PDE4B: variants seen among roughly 807,000 people sequenced by gnomAD.
The protein encoded by PDE4B is 3',5'-cyclic-AMP phosphodiesterase 4B.
In PDE4B, 20 loss-of-function variants were observed where a neutral mutation model predicts 82.2. The ratio of observed to expected loss-of-function variants is 0.24; its 90% CI spans 0.17 to 0.35. PDE4B has a LOEUF of 0.35. Ranked by LOEUF, PDE4B falls within the 10% of genes least tolerant of loss-of-function variation. PDE4B has a pLI of 1.00. For synonymous variants in PDE4B, 320 were observed against 318.9 expected (o/e 1.00, Z -0.04); for missense variants, 655 against 907.2 (o/e 0.72, Z 3.57).
chr1:65,961,539 ATATT>A (rs1557461023), intron 3 of PDE4B, among the ~76,000 whole-genome samples: 1 of 152,156 alleles, frequency 6.6e-6, no homozygotes, highest in Non-Finnish European at 1.5e-5. Flanking sequence ...GCCATGTGCT[ATATT>A]TGTCCTTACA....
chr1:66,153,483 G>GT (rs750004997), intron 3 of PDE4B, among the ~76,000 whole-genome samples: 12 of 152,204 alleles, frequency 7.9e-5, no homozygotes, highest in South Asian at 6.2e-4. Context: ...AACCTCATGG[G>GT]TTTTTTTGTT....
intron 1 of PDE4B, among the ~76,000 whole-genome samples, chr1:65,905,917 G>A (rs538889899): frequency 1.3e-5 from 2 of 152,176 alleles, no homozygotes; most frequent in African/African-American, 2.4e-5. Context: ...ATGTATATTC[G>A]TCTTTGTATT....
intron 1 of PDE4B, among the ~76,000 whole-genome samples, chr1:65,794,953 A>G (rs1400078387): frequency 6.6e-6 from 1 of 152,216 alleles, no homozygotes; most frequent in Admixed American, 6.5e-5. Context: ...GCAAAAATGA[A>G]TTGTCTTAAA....
chr1:66,317,126 C>A (rs761833553), intron 7 of PDE4B, among the ~76,000 whole-genome samples: 1 of 152,192 alleles, frequency 6.6e-6, no homozygotes, highest in Non-Finnish European at 1.5e-5. Context: ...AACTGTTTGT[C>A]TACCCACAGA....
chr1:66,211,684 C>T (rs1173829879), intron 3 of PDE4B, among the ~76,000 whole-genome samples: 4 of 152,168 alleles, frequency 2.6e-5, no homozygotes, highest in Non-Finnish European at 4.4e-5. Flanking sequence ...CTTAGGGGAG[C>T]GAAGTAACTT....
chr1:66,044,278 A>G (rs1275227910), intron 3 of PDE4B, among the ~76,000 whole-genome samples: 1 of 151,718 alleles, frequency 6.6e-6, no homozygotes, highest in Non-Finnish European at 1.5e-5. Context: ...GAATTTACAA[A>G]TGCCAAGAGT....
intron 7 of PDE4B, among the ~76,000 whole-genome samples, chr1:66,282,158 T>G (rs549149026): frequency 2.0e-5 from 3 of 152,214 alleles, no homozygotes; most frequent in Middle Eastern, 3.2e-3. Context: ...TCAGCAACAT[T>G]TAATCTGTTT....
chr1:66,303,353 GTA>G (rs55857576), intron 7 of PDE4B, among the ~76,000 whole-genome samples: 76,516 of 148,068 alleles, frequency 0.52, 19,945 homozygotes, highest in African/African-American at 0.61. Context: ...GTGTGTGTGT[GTA>G]TATATATATA....
At chr1:65,843,700 T>C (rs1386653864) in intron 1 of PDE4B, among the ~76,000 whole-genome samples, 1 of 152,186 alleles carries the variant, frequency 6.6e-6, no homozygotes, top group African/African-American at 2.4e-5. Flanking sequence ...AAGTCTGCTT[T>C]TATCTTACAT....
chr1:66,176,614 G>C (rs1405575939), intron 3 of PDE4B, among the ~76,000 whole-genome samples: 1 of 152,130 alleles, frequency 6.6e-6, no homozygotes, highest in Non-Finnish European at 1.5e-5. Context: ...TTTCTATCAA[G>C]GCTATTTGTA....
chr1:66,305,622 G>C (rs1658218389), intron 7 of PDE4B, among the ~76,000 whole-genome samples: 1 of 152,090 alleles, frequency 6.6e-6, no homozygotes, highest in Non-Finnish European at 1.5e-5. Context: ...CTCCTTTAAA[G>C]CTGTACTGAG....
chr1:66,257,506 T>A (rs1450306791), intron 4 of PDE4B, 141 bp from the exon 5 acceptor site: 6 of 894,880 alleles, frequency 6.7e-6, no homozygotes, highest in African/African-American at 1.6e-5. Flanking sequence ...TGCCAAATTG[T>A]GAGTCCTGTC....
intron 3 of PDE4B, among the ~76,000 whole-genome samples, chr1:66,023,028 A>G (rs1175855872): frequency 6.6e-6 from 1 of 152,096 alleles, no homozygotes; most frequent in Non-Finnish European, 1.5e-5. Flanking sequence ...TTCCTGGTTT[A>G]GTCTTGGACT....
At chr1:65,871,922 G>T (rs1376779145) in intron 1 of PDE4B, among the ~76,000 whole-genome samples, 1 of 152,140 alleles carries the variant, frequency 6.6e-6, no homozygotes, top group East Asian at 1.9e-4. Flanking sequence ...ATAATATGGA[G>T]TGCTTTTTTT....
At chr1:66,061,857 G>A (rs994006765) in intron 3 of PDE4B, among the ~76,000 whole-genome samples, 2 of 151,992 alleles carry the variant, frequency 1.3e-5, no homozygotes, top group Non-Finnish European at 2.9e-5. Context: ...AAACCATCAT[G>A]GCACATGTAT....
At chr1:66,246,483 G>A (rs929994956) in intron 3 of PDE4B, among the ~76,000 whole-genome samples, 2 of 152,170 alleles carry the variant, frequency 1.3e-5, no homozygotes, top group African/African-American at 4.8e-5. Context: ...GCTTTAGCTG[G>A]GGAGCAGTGA....
rs144447173 is a variant in PDE4B at position 65,901,829 on chromosome 1, G to A, written c.-70-11416G>A. ...TGATTTGAGTTATGTTTTTTCTTCT[G>A]ATGGCTTTGGGATTAGTATGTTCTT... On this transcript the variant is annotated intron_variant, in intron 1 of 16. Coordinates refer to ENST00000341517, the MANE Select transcript of PDE4B (RefSeq NM_002600.4). Among the ~76,000 whole-genome samples, 714 of 151,958 alleles carry A rather than the reference G, an allele frequency of 4.7e-3. 24 individuals carry two copies. Among genetic ancestry groups the A allele is most frequent in the Admixed American group, 0.043 (651 of 15,234 alleles).
chr1:66,335,046 G>C (rs905263788), intron 8 of PDE4B, among the ~76,000 whole-genome samples: 19 of 152,208 alleles, frequency 1.2e-4, no homozygotes, highest in Non-Finnish European at 2.6e-4. Flanking sequence ...AATTATCTGA[G>C]ATTTCCATCC....
chr1:65,925,454 A>C (rs1368239095), intron 3 of PDE4B, among the ~76,000 whole-genome samples: 1 of 152,198 alleles, frequency 6.6e-6, no homozygotes, highest in Non-Finnish European at 1.5e-5. Flanking sequence ...ACAACCACAA[A>C]ACCAGGAACA....
Sources: gnomAD v4.1 joint callset for allele counts (sites outside exome capture counted in the v4.1 genomes callset) on GRCh38, gnomAD v4.1.1 for gene constraint, MANE v1.5 for transcripts, NCBI Gene and HGNC (gene_info 2026-07-23, HGNC 2026-07-21) for gene names.